Variants in ENOX1 observed in about 807,000 individuals in gnomAD.
ENOX1 encodes ecto-NOX disulfide-thiol exchanger 1, also known as candidate growth-related and time keeping constitutive hydroquinone (NADH) oxidase.
ENOX1 carries 42 observed loss-of-function variants against 82.5 expected under a neutral mutation model. The ratio of observed to expected loss-of-function variants is 0.51; its 90% CI spans 0.40 to 0.66. The LOEUF is 0.66. Among genes scored for constraint, ENOX1 ranks in the 30% least tolerant of loss-of-function variants. The pLI, the probability that ENOX1 is intolerant of heterozygous loss-of-function variation, is 0.00. For synonymous variants in ENOX1, 271 were observed against 282.2 expected, an observed-to-expected ratio of 0.96 and a Z score of 0.40; for missense variants, 608 against 811.6, an observed-to-expected ratio of 0.75 and a Z score of 3.05.
intron 2 of ENOX1, among the ~76,000 whole-genome samples, chr13:43,495,458 C>T (rs1007086801): frequency 3.9e-5 from 6 of 151,940 alleles, no homozygotes; most frequent in Admixed American, 2.6e-4. Flanking sequence ...TCCTTTTGTT[C>T]AATGTAATGA....
At chr13:43,701,521 T>A (rs2086906053) in intron 1 of ENOX1, among the ~76,000 whole-genome samples, 1 of 152,210 alleles carries the variant, frequency 6.6e-6, no homozygotes, top group South Asian at 2.1e-4. Context: ...TTACACAAAA[T>A]ATCTATGTTA....
intron 2 of ENOX1, among the ~76,000 whole-genome samples, chr13:43,606,000 C>A (rs1374259441): frequency 1.3e-5 from 2 of 152,044 alleles, no homozygotes; most frequent in Non-Finnish European, 2.9e-5. Flanking sequence ...GGCAAAAGAT[C>A]TGAATAGACA....
intron 2 of ENOX1, among the ~76,000 whole-genome samples, chr13:43,495,853 T>C (rs2076775134): frequency 6.6e-6 from 1 of 151,890 alleles, no homozygotes; most frequent in Non-Finnish European, 1.5e-5. Flanking sequence ...GCTCAGTCCT[T>C]TTATTTTTAT....
intron 2 of ENOX1, among the ~76,000 whole-genome samples, chr13:43,657,144 T>C (rs2153782008): frequency 6.6e-6 from 1 of 152,318 alleles, no homozygotes; most frequent in East Asian, 1.9e-4. Flanking sequence ...TGAAAGCGGC[T>C]CTGTCCAATC....
intron 2 of ENOX1, among the ~76,000 whole-genome samples, chr13:43,652,063 A>G (rs2084215671): frequency 6.6e-6 from 1 of 151,878 alleles, no homozygotes; most frequent in African/African-American, 2.4e-5. Flanking sequence ...CCTATAAAGT[A>G]CCCAGCTGCA....
At chr13:43,339,553 C>A (rs920036641) in intron 9 of ENOX1, among the ~76,000 whole-genome samples, 3 of 152,232 alleles carry the variant, frequency 2.0e-5, no homozygotes, top group African/African-American at 7.2e-5. Flanking sequence ...GCCTGCTCCA[C>A]TAGTTAGCCA....
chr13:43,569,886 C>G (rs936346853), intron 2 of ENOX1, among the ~76,000 whole-genome samples: 12 of 152,172 alleles, frequency 7.9e-5, no homozygotes, highest in African/African-American at 2.9e-4. Flanking sequence ...ACACCACACC[C>G]TGGAAAAAGT....
chr13:43,647,891 C>A (rs564178417), intron 2 of ENOX1, among the ~76,000 whole-genome samples: 2 of 152,174 alleles, frequency 1.3e-5, no homozygotes, highest in Non-Finnish European at 2.9e-5. Context: ...GAGAACCAGA[C>A]AGATGGCAGA....
chr13:43,282,790 G>C (rs1291851196), intron 12 of ENOX1, among the ~76,000 whole-genome samples: 1 of 149,888 alleles, frequency 6.7e-6, no homozygotes, highest in Non-Finnish European at 1.5e-5. Context: ...CTGTTGCTTT[G>C]ATATAAAATT....
At chr13:43,661,033 A>G (rs183265623) in intron 2 of ENOX1, among the ~76,000 whole-genome samples, 196 of 152,320 alleles carry the variant, frequency 1.3e-3, no homozygotes, top group South Asian at 5.2e-3. Flanking sequence ...ATAAAAAGAG[A>G]TACAATAAAA....
intron 10 of ENOX1, among the ~76,000 whole-genome samples, chr13:43,323,334 T>G (rs1458255973): frequency 1.3e-5 from 2 of 152,354 alleles, no homozygotes; most frequent in Middle Eastern, 3.4e-3. Flanking sequence ...GATCACACCT[T>G]ACTTTCTCCA....
intron 2 of ENOX1, among the ~76,000 whole-genome samples, chr13:43,659,982 A>G (rs1291106032): frequency 6.6e-6 from 1 of 152,202 alleles, no homozygotes; most frequent in Non-Finnish European, 1.5e-5. Flanking sequence ...AACTCTATAG[A>G]AAACATAATC....
chr13:43,451,246 A>C (rs2056950560), intron 3 of ENOX1, among the ~76,000 whole-genome samples: 1 of 152,168 alleles, frequency 6.6e-6, no homozygotes, highest in African/African-American at 2.4e-5. Context: ...TTAAGAGCAA[A>C]CTTTGCTAGT....
chr13:43,524,288 G>C (rs994507507), intron 2 of ENOX1, among the ~76,000 whole-genome samples: 2 of 152,026 alleles, frequency 1.3e-5, no homozygotes, highest in African/African-American at 4.8e-5. Flanking sequence ...AAGCACACTG[G>C]TCTAGGGGTC....
chr13:43,360,539 A>G (rs1259936396), intron 6 of ENOX1, among the ~76,000 whole-genome samples: 1 of 152,174 alleles, frequency 6.6e-6, no homozygotes, highest in African/African-American at 2.4e-5. Context: ...CCTGAAAAAA[A>G]CCACTTTGTT....
intron 1 of ENOX1, among the ~76,000 whole-genome samples, chr13:43,754,099 T>C (rs1950494623): frequency 1.5e-5 from 2 of 129,702 alleles, no homozygotes; most frequent in South Asian, 4.3e-4. Flanking sequence ...CGTATATATG[T>C]ATACGTATAT....
At chr13:43,711,044 T>C (rs962598702) in intron 1 of ENOX1, among the ~76,000 whole-genome samples, 3 of 151,354 alleles carry the variant, frequency 2.0e-5, no homozygotes, top group Non-Finnish European at 4.4e-5. Context: ...GTATTAGGTA[T>C]ATCTCCAAAT....
At chr13:43,524,087 A>C (rs983414488) in intron 2 of ENOX1, among the ~76,000 whole-genome samples, 1 of 152,130 alleles carries the variant, frequency 6.6e-6, no homozygotes, top group Non-Finnish European at 1.5e-5. Flanking sequence ...TACAAGTTTC[A>C]GGAAGGCCAC....
chr13:43,299,047 C>G (rs2046428162), intron 11 of ENOX1, among the ~76,000 whole-genome samples: 1 of 152,154 alleles, frequency 6.6e-6, no homozygotes, highest in East Asian at 1.9e-4. Flanking sequence ...ACTGCTGGGA[C>G]AAATTGCACA....
Sources: gnomAD v4.1 joint callset for allele counts (sites outside exome capture counted in the v4.1 genomes callset) on GRCh38, gnomAD v4.1.1 for gene constraint, MANE v1.5 for transcripts, NCBI Gene and HGNC (gene_info 2026-07-23, HGNC 2026-07-21) for gene names.